The following BRINP3 variants were observed in gnomAD, a reference collection of about 807,000 sequenced individuals.
BRINP3 encodes the protein BMP/retinoic acid-inducible neural-specific protein 3.
BRINP3 carries 19 observed loss-of-function variants against 71.0 expected under a neutral mutation model. The ratio of observed to expected loss-of-function variants is 0.27; its 90% CI spans 0.19 to 0.39. The LOEUF (loss-of-function observed/expected upper bound fraction) is 0.39, where lower values mean the gene tolerates loss of function less well. Among genes scored for constraint, BRINP3 ranks in the 10% least tolerant of loss-of-function variants. BRINP3 has a pLI of 1.00. For synonymous variants in BRINP3, 380 were observed against 337.7 expected (o/e 1.13, Z -1.37); for missense variants, 959 against 940.8 (o/e 1.02, Z -0.25).
intron 2 of BRINP3, among the ~76,000 whole-genome samples, chr1:190,290,470 C>A (rs577121067): frequency 6.6e-6 from 1 of 151,926 alleles, no homozygotes; most frequent in East Asian, 1.9e-4. Context: ...CTTTTATGGG[C>A]GAAATAAATA....
At chr1:190,345,308 TA>T (rs576267941) in intron 2 of BRINP3, among the ~76,000 whole-genome samples, 1 of 151,604 alleles carries the variant, frequency 6.6e-6, no homozygotes, top group South Asian at 2.1e-4. Flanking sequence ...TACTTAAAAT[TA>T]AAAAAAATTA....
chr1:190,168,144 G>A (rs1485418197), intron 6 of BRINP3, among the ~76,000 whole-genome samples: 1 of 152,004 alleles, frequency 6.6e-6, no homozygotes, highest in East Asian at 1.9e-4. Flanking sequence ...AAATTTTAGA[G>A]TTTACTAATC....
At chr1:190,470,821 T>C (rs563301899) in intron 1 of BRINP3, among the ~76,000 whole-genome samples, 1 of 151,186 alleles carries the variant, frequency 6.6e-6, no homozygotes, top group African/African-American at 2.4e-5. Context: ...TAAATATTTA[T>C]GCTATATCTT....
chr1:190,224,328 A>G (rs1474044588), intron 6 of BRINP3, among the ~76,000 whole-genome samples: 5 of 151,672 alleles, frequency 3.3e-5, no homozygotes. Context: ...AACCATATAT[A>G]TATCCACACA....
chr1:190,133,245 T>G (rs368137447), intron 7 of BRINP3, among the ~76,000 whole-genome samples: 53 of 152,254 alleles, frequency 3.5e-4, no homozygotes, highest in Middle Eastern at 3.4e-3. Context: ...TAACACTGCA[T>G]CTATGGGAAA....
chr1:190,267,030 A>T (rs1170793547), intron 3 of BRINP3, among the ~76,000 whole-genome samples: 1 of 152,196 alleles, frequency 6.6e-6, no homozygotes, highest in Non-Finnish European at 1.5e-5. Context: ...TTCATAAAGC[A>T]CAAGATACAG....
intron 6 of BRINP3, among the ~76,000 whole-genome samples, chr1:190,201,778 T>C (rs1655028356): frequency 6.6e-6 from 1 of 152,184 alleles, no homozygotes; most frequent in African/African-American, 2.4e-5. Context: ...AGCTTTCCCA[T>C]GGTTTTCGGC....
chr1:190,115,501 C>T (rs1653053657), intron 7 of BRINP3, among the ~76,000 whole-genome samples: 1 of 152,098 alleles, frequency 6.6e-6, no homozygotes, highest in Admixed American at 6.6e-5. Context: ...TGTTTCTCAT[C>T]TATAAATTGA....
chr1:190,104,312 A>G (rs1651953836), intron 7 of BRINP3, among the ~76,000 whole-genome samples: 1 of 152,042 alleles, frequency 6.6e-6, no homozygotes, highest in Non-Finnish European at 1.5e-5. Flanking sequence ...CATTTACTTC[A>G]CCTGGAAAAT....
intron 2 of BRINP3, among the ~76,000 whole-genome samples, chr1:190,335,032 T>G (rs971988673): frequency 6.6e-6 from 1 of 151,912 alleles, no homozygotes; most frequent in African/African-American, 2.4e-5. Flanking sequence ...TATTTTATAT[T>G]GTAATTACTC....
intron 6 of BRINP3, among the ~76,000 whole-genome samples, chr1:190,211,050 A>T (rs751504732): frequency 2.0e-5 from 3 of 152,052 alleles, no homozygotes; most frequent in Non-Finnish European, 4.4e-5. Context: ...TGAAGGCTAC[A>T]CTGTCAGCTT....
chr1:190,132,136 T>C (rs765280776), intron 7 of BRINP3, among the ~76,000 whole-genome samples: 88 of 152,074 alleles, frequency 5.8e-4, no homozygotes, highest in Non-Finnish European at 9.1e-4. Flanking sequence ...CCTTTAATTA[T>C]AGATTCCTGA....
intron 2 of BRINP3, among the ~76,000 whole-genome samples, chr1:190,417,916 G>A (rs1282940523): frequency 2.0e-5 from 3 of 152,084 alleles, no homozygotes; most frequent in African/African-American, 7.2e-5. Flanking sequence ...TATTCAACTC[G>A]ATTCTGATCA....
intron 2 of BRINP3, among the ~76,000 whole-genome samples, chr1:190,323,782 C>T (rs1201646932): frequency 6.6e-6 from 1 of 151,622 alleles, no homozygotes. Context: ...TTCAGTTACA[C>T]CAAAGATATT....
At chr1:190,203,753 ATATATATATATATATATATAT>A (rs1558061815) in intron 6 of BRINP3, among the ~76,000 whole-genome samples, 431 of 5,358 alleles carry the variant, frequency 0.08, 12 homozygotes, top group Non-Finnish European at 0.1. Flanking sequence ...TAAAGAAAAT[ATATATATATATATATATATAT>A]ATATATATAT....
intron 2 of BRINP3, among the ~76,000 whole-genome samples, chr1:190,414,254 C>A (rs1460381387): frequency 1.3e-5 from 2 of 151,692 alleles, no homozygotes; most frequent in Non-Finnish European, 2.9e-5. Context: ...GGTATTGAGC[C>A]CAGTGAAGTG....
At chr1:190,323,340 T>C (rs1207496287) in intron 2 of BRINP3, among the ~76,000 whole-genome samples, 1 of 151,986 alleles carries the variant, frequency 6.6e-6, no homozygotes, top group Non-Finnish European at 1.5e-5. Flanking sequence ...TCTCAAAAAA[T>C]GTTGCATACC....
chr1:190,143,230 G>C (rs73056714), intron 7 of BRINP3, among the ~76,000 whole-genome samples: 2,144 of 152,254 alleles, frequency 0.014, 55 homozygotes, highest in African/African-American at 0.049. Context: ...TCAGACTGAA[G>C]TTAGATTACC....
At chr1:190,386,317 G>T (rs1213353757) in intron 2 of BRINP3, among the ~76,000 whole-genome samples, 2 of 150,964 alleles carry the variant, frequency 1.3e-5, no homozygotes, top group African/African-American at 4.9e-5. Flanking sequence ...CAAAGATATG[G>T]GGCAACTAAA....
Sources: gnomAD v4.1 joint callset for allele counts (sites outside exome capture counted in the v4.1 genomes callset) on GRCh38, gnomAD v4.1.1 for gene constraint, MANE v1.5 for transcripts, NCBI Gene and HGNC (gene_info 2026-07-23, HGNC 2026-07-21) for gene names.